AFF3: variants seen among roughly 807,000 people sequenced by gnomAD.
AFF3 encodes ALF transcription elongation factor 3, also known as AF4/FMR2 family member 3.
In AFF3, 32 loss-of-function variants were observed where a neutral mutation model predicts 129.7. That is an observed-to-expected ratio of 0.25 (90% CI 0.19 to 0.33). The LOEUF (loss-of-function observed/expected upper bound fraction) is 0.33, where lower values mean the gene tolerates loss of function less well. AFF3 is among the 10% of genes least tolerant of loss of function. The probability of loss-of-function intolerance (pLI) is 1.00; values close to 1 mark genes in which losing one functional copy is unlikely to be tolerated. For missense variants in AFF3, 1,373 were observed against 1,592.0 expected (o/e 0.86, Z 2.34); for synonymous variants, 644 against 635.4 (o/e 1.01, Z -0.20).
intron 11 of AFF3, among the ~76,000 whole-genome samples, chr2:99,676,632 G>T (rs765860729): frequency 6.6e-6 from 1 of 152,186 alleles, no homozygotes; most frequent in Non-Finnish European, 1.5e-5. Flanking sequence ...GGGCCTCAGA[G>T]CATTTAAGAA....
At chr2:100,028,872 T>C (rs1248403807) in intron 4 of AFF3, among the ~76,000 whole-genome samples, 3 of 152,062 alleles carry the variant, frequency 2.0e-5, no homozygotes, top group African/African-American at 7.3e-5. Context: ...CCTCAAAAAA[T>C]TAAAAGTAGA....
At position 99,573,573 on chromosome 2, in the gene AFF3, T is replaced by C. The variant is rs1474007316; in HGVS notation, c.2919-4658A>G. On this transcript the variant is annotated intron_variant, in intron 18 of 24. Coordinates refer to ENST00000672756, the MANE Select transcript of AFF3 (RefSeq NM_001386135.1). ...TCATGCTGCTAGGGATTCAACCTTT[T>C]ACAATATGCGAGTATTCCCATCCTC... Among the ~76,000 whole-genome samples the C allele has an allele frequency of 6.6e-5, 10 of 152,204 alleles. No homozygotes were observed. In the East Asian group the frequency reaches 1.9e-3, roughly 29 times the overall value.
chr2:99,893,314 G>C (rs1394849001), intron 7 of AFF3, among the ~76,000 whole-genome samples: 1 of 152,208 alleles, frequency 6.6e-6, no homozygotes, highest in Admixed American at 6.5e-5. Context: ...CACAGAGCAA[G>C]CATTTAATAC....
intron 11 of AFF3, among the ~76,000 whole-genome samples, chr2:99,710,132 T>C (rs1229187088): frequency 6.6e-6 from 1 of 152,254 alleles, no homozygotes; most frequent in African/African-American, 2.4e-5. Context: ...TTCGAAGAGC[T>C]GATTCATGTA....
At chr2:99,784,130 A>AG (rs1684608425) in intron 8 of AFF3, among the ~76,000 whole-genome samples, 1 of 152,180 alleles carries the variant, frequency 6.6e-6, no homozygotes, top group African/African-American at 2.4e-5. Flanking sequence ...AGTGATTAGC[A>AG]GGGGGGTTAA....
intron 7 of AFF3, among the ~76,000 whole-genome samples, chr2:99,921,065 T>C (rs1695825166): frequency 6.6e-6 from 1 of 152,102 alleles, no homozygotes; most frequent in African/African-American, 2.4e-5. Flanking sequence ...CCCAAATTGA[T>C]CTAAAGATTC....
At chr2:100,087,233 G>A in intron 4 of AFF3, among the ~76,000 whole-genome samples, 1 of 151,954 alleles carries the variant, frequency 6.6e-6, no homozygotes, top group Non-Finnish European at 1.5e-5. Flanking sequence ...TGGCCCTGAA[G>A]GTATTTGAAT....
chr2:99,701,742 G>A (rs1387942898), intron 11 of AFF3, among the ~76,000 whole-genome samples: 2 of 152,206 alleles, frequency 1.3e-5, no homozygotes, highest in Non-Finnish European at 2.9e-5. Flanking sequence ...GTAGCTACAC[G>A]TAACAGTCTA....
intron 7 of AFF3, among the ~76,000 whole-genome samples, chr2:99,972,559 C>G (rs1188136313): frequency 6.6e-6 from 1 of 152,204 alleles, no homozygotes. Context: ...TTAGTTCATT[C>G]ATTTGACACA....
At chr2:99,972,019 G>C (rs1447743872) in intron 7 of AFF3, among the ~76,000 whole-genome samples, 2 of 152,224 alleles carry the variant, frequency 1.3e-5, no homozygotes, top group Non-Finnish European at 2.9e-5. Flanking sequence ...CCCACATCAA[G>C]CCAGAGTCCT....
intron 7 of AFF3, among the ~76,000 whole-genome samples, chr2:99,929,052 C>T (rs1696485952): frequency 6.6e-6 from 1 of 152,284 alleles, no homozygotes; most frequent in South Asian, 2.1e-4. Context: ...CAGTTTAATA[C>T]ATTTTGGACA....
At chr2:99,943,472 T>A (rs1489057548) in intron 7 of AFF3, among the ~76,000 whole-genome samples, 1 of 152,192 alleles carries the variant, frequency 6.6e-6, no homozygotes, top group African/African-American at 2.4e-5. Context: ...GGGTGATACA[T>A]CTGATTTTCA....
At chr2:99,854,529 A>C (rs1690383242) in intron 7 of AFF3, among the ~76,000 whole-genome samples, 1 of 152,238 alleles carries the variant, frequency 6.6e-6, no homozygotes, top group Non-Finnish European at 1.5e-5. Flanking sequence ...AGCAGTTGTG[A>C]AATTACAAAC....
At chr2:99,733,644 A>T (rs1419815493) in intron 10 of AFF3, among the ~76,000 whole-genome samples, 1 of 152,010 alleles carries the variant, frequency 6.6e-6, no homozygotes, top group East Asian at 1.9e-4. Context: ...GTGGGGTAGG[A>T]GTTAAGTTTC....
chr2:99,649,792 G>A (rs1333870935), intron 12 of AFF3, 126 bp from the exon 13 acceptor site: 2 of 924,678 alleles, frequency 2.2e-6, no homozygotes, highest in East Asian at 2.4e-5. Flanking sequence ...AATTTTAAAC[G>A]ACTAGCAATG....
intron 9 of AFF3, among the ~76,000 whole-genome samples, chr2:99,748,178 G>C (rs546101418): frequency 6.6e-6 from 1 of 152,146 alleles, no homozygotes; most frequent in Non-Finnish European, 1.5e-5. Context: ...AGAACAGAGG[G>C]AGACCAAAGT....
Position 99,783,993 on chromosome 2 carries a change from CA to C in AFF3, c.922-31693del, listed in dbSNP as rs565795825. Among the ~76,000 whole-genome samples, 150 of 152,322 alleles carry C rather than the reference CA, an allele frequency of 9.8e-4. 3 individuals carry two copies. Among genetic ancestry groups the C allele is most frequent in the Middle Eastern group, 6.8e-3 (2 of 294 alleles). ...TGAAGCTGCATTAACTCTCTTTGAT[CA>C]AAAACTTACTTTTTAAGCACATCCA... On this transcript the variant is annotated intron_variant, in intron 8 of 24. Transcript: ENST00000672756.
chr2:99,838,664 T>A (rs1689080502), intron 7 of AFF3, among the ~76,000 whole-genome samples: 1 of 152,146 alleles, frequency 6.6e-6, no homozygotes, highest in African/African-American at 2.4e-5. Flanking sequence ...GCTCCCTGGA[T>A]TCCAGGGCTC....
chr2:100,073,066 G>A (rs758974157), intron 4 of AFF3, among the ~76,000 whole-genome samples: 12 of 152,210 alleles, frequency 7.9e-5, no homozygotes, highest in Middle Eastern at 3.2e-3. Context: ...TTCAGCCTCA[G>A]AGGATCTTCC....
Sources: allele counts gnomAD v4.1 joint callset (sites outside exome capture counted in the v4.1 genomes callset), GRCh38; gene constraint gnomAD v4.1.1; transcripts MANE v1.5; gene names NCBI Gene and HGNC (gene_info 2026-07-23, HGNC 2026-07-21).